DOCK1: variants seen among roughly 807,000 people sequenced by gnomAD.
DOCK1 encodes dedicator of cytokinesis protein 1.
DOCK1 carries 138 observed loss-of-function variants against 262.7 expected under a neutral mutation model. That is an observed-to-expected ratio of 0.53 (90% CI 0.46 to 0.61). The LOEUF (loss-of-function observed/expected upper bound fraction) is 0.61, where lower values mean the gene tolerates loss of function less well. DOCK1 is among the 20% of genes least tolerant of loss of function. The pLI is 0.00. For missense variants in DOCK1, 1,908 were observed against 2,370.7 expected (o/e 0.80, Z 4.05); for synonymous variants, 866 against 867.4 (o/e 1.00, Z 0.03).
At chr10:127,401,753 G>A (rs567855857) in intron 38 of DOCK1, among the ~76,000 whole-genome samples, 94 of 152,242 alleles carry the variant, frequency 6.2e-4, no homozygotes, top group Non-Finnish European at 1.1e-3. Context: ...ATCATCTGAC[G>A]GTCACCTGAC....
At chr10:126,990,652 A>G in intron 6 of DOCK1, 49 bp downstream of exon 6, 1 of 1,595,538 alleles carries the variant, frequency 6.3e-7, no homozygotes. Context: ...CCAATGTAAT[A>G]ACATCACTAT....
intron 38 of DOCK1, among the ~76,000 whole-genome samples, chr10:127,397,487 C>T (rs111812931): frequency 2.7e-5 from 4 of 148,496 alleles, no homozygotes; most frequent in Admixed American, 2.0e-4. Flanking sequence ...ATGAGTTACA[C>T]GGGCAGCAAC....
chr10:127,211,215 A>T (rs1304276048), intron 27 of DOCK1, among the ~76,000 whole-genome samples: 2 of 152,156 alleles, frequency 1.3e-5, no homozygotes, highest in African/African-American at 4.8e-5. Context: ...CAGCTAAGGA[A>T]AGCCAAGTGC....
chr10:126,987,860 T>G (rs917363781), intron 5 of DOCK1, among the ~76,000 whole-genome samples: 1 of 152,294 alleles, frequency 6.6e-6, no homozygotes, highest in Non-Finnish European at 1.5e-5. Flanking sequence ...CAGAAGGGAC[T>G]GTAGGATGTG....
At chr10:127,196,978 G>A (rs1041868960) in intron 27 of DOCK1, among the ~76,000 whole-genome samples, 1 of 152,078 alleles carries the variant, frequency 6.6e-6, no homozygotes, top group South Asian at 2.1e-4. Context: ...AGCCTGGCCC[G>A]GCGGGGCTTT....
chr10:127,125,888 T>C (rs545964618), intron 26 of DOCK1, among the ~76,000 whole-genome samples: 2 of 152,272 alleles, frequency 1.3e-5, no homozygotes, highest in South Asian at 2.1e-4. Context: ...CAAAAAGGCT[T>C]TGATGCTTAA....
rs772155501 is a variant in DOCK1 at position 127,384,801 on chromosome 10, T to C, written c.3819T>C (p.Asp1273=). Residue 1273 remains aspartate (D), a synonymous_variant, in exon 38 of 52, where the codon GAT becomes GAC. Coordinates refer to ENST00000623213, the MANE Select transcript of DOCK1 (RefSeq NM_001290223.2). ...TGCTTCTCCCTTAGTGGTCGGAGGATGTGTGTGTGGCCCACCTCACCCAGC... is the reference window on the plus strand; with the variant it reads ...TGCTTCTCCCTTAGTGGTCGGAGGACGTGTGTGTGGCCCACCTCACCCAGC... ...LHAKLLKWSE[D]VCVAHLTQRD... The C allele has an allele frequency of 6.3e-7, 1 of 1,586,306 alleles. No homozygotes were observed. The highest frequency in any genetic ancestry group is 1.2e-5 in the South Asian group (1 of 86,072).
intron 28 of DOCK1, among the ~76,000 whole-genome samples, chr10:127,252,708 G>A (rs1009621176): frequency 1.4e-4 from 21 of 150,518 alleles, no homozygotes; most frequent in Non-Finnish European, 3.0e-4. Context: ...GATATGTGGT[G>A]TTATTTCTGA....
intron 40 of DOCK1, 148 bp from the exon 41 acceptor site, chr10:127,408,889 C>T (rs1335918511): frequency 2.0e-5 from 22 of 1,085,010 alleles, no homozygotes; most frequent in Non-Finnish European, 2.3e-5. Flanking sequence ...AACGCAAGTA[C>T]AAAAAAAAAT....
In DOCK1 at chr10:127,145,594, A is replaced by C. The variant is rs12269246; in HGVS notation, c.2847+17830A>C. ...CGTGGCCAACCCAACCCTGAGTGGG[A>C]TCCCATGACCCAGGGCCATCACCTT... On this transcript the variant is annotated intron_variant, in intron 27 of 51. Transcript: ENST00000623213. Among the ~76,000 whole-genome samples, 1,004 of 152,230 alleles carry C rather than the reference A, an allele frequency of 6.6e-3. 4 individuals carry two copies. Among genetic ancestry groups the C allele is most frequent in the Admixed American group, 0.012 (177 of 15,288 alleles).
Position 126,942,314 on chromosome 10 carries a change from C to T in DOCK1, c.47-28388C>T, listed in dbSNP as rs1023474306. ...CTGGGATTATAGGTGTGAGCCACCG[C>T]GCCCAGCCGATATTTGCTCATTTTC... On this transcript the variant is annotated intron_variant, in intron 1 of 51. Coordinates refer to ENST00000623213, the MANE Select transcript of DOCK1 (RefSeq NM_001290223.2). Among the ~76,000 whole-genome samples, 705 of 152,240 alleles carry T rather than the reference C, an allele frequency of 4.6e-3. 4 individuals carry two copies. The highest frequency in any genetic ancestry group is 8.1e-3 in the Non-Finnish European group (550 of 68,018).
chr10:127,362,914 CACACAT>C, intron 33 of DOCK1, among the ~76,000 whole-genome samples: 1 of 143,444 alleles, frequency 7.0e-6, no homozygotes, highest in Non-Finnish European at 1.5e-5. Flanking sequence ...CATCTCCACA[CACACAT>C]ATACACATGC....
chr10:127,140,604 G>GCACACCAAGTCTCTCGGTTGAGTTTGA (rs1021786220), intron 27 of DOCK1, among the ~76,000 whole-genome samples: 1 of 68,134 alleles, frequency 1.5e-5, no homozygotes, highest in Non-Finnish European at 4.2e-5. Context: ...TCTTGGGGAA[G>GCACACCAAGTCTCTCGGTTGAGTTTGA]CACACCAAGT....
At chr10:126,974,857 T>C (rs2038397175) in intron 2 of DOCK1, among the ~76,000 whole-genome samples, 2 of 151,978 alleles carry the variant, frequency 1.3e-5, no homozygotes, top group Non-Finnish European at 2.9e-5. Context: ...GTTGAAGAAA[T>C]AGTGCATGCC....
intron 1 of DOCK1, among the ~76,000 whole-genome samples, chr10:126,948,584 G>T (rs1292561103): frequency 1.3e-5 from 2 of 151,898 alleles, no homozygotes; most frequent in Non-Finnish European, 2.9e-5. Flanking sequence ...CCCTGAAACA[G>T]GGCCCTCAAA....
At chr10:127,124,991 C>A (rs947478614) in intron 25 of DOCK1, among the ~76,000 whole-genome samples, 1 of 152,058 alleles carries the variant, frequency 6.6e-6, no homozygotes, top group Non-Finnish European at 1.5e-5. Flanking sequence ...GTGGCAGGCA[C>A]CTGTAGTCCC....
chr10:127,398,749 C>T (rs573411434), intron 38 of DOCK1, among the ~76,000 whole-genome samples: 1 of 152,294 alleles, frequency 6.6e-6, no homozygotes, highest in Non-Finnish European at 1.5e-5. Flanking sequence ...AGTCGCCCAC[C>T]AGTATCCTGG....
At chr10:127,328,500 G>T (rs933960716) in intron 29 of DOCK1, among the ~76,000 whole-genome samples, 8 of 152,216 alleles carry the variant, frequency 5.3e-5, no homozygotes, top group Non-Finnish European at 1.2e-4. Context: ...TAGACCAGGG[G>T]CCATTGCCTG....
rs527577240 is a variant in DOCK1 at position 127,237,708 on chromosome 10, T to C, written c.2848-10300T>C. On this transcript the variant is annotated intron_variant, in intron 27 of 51. Coordinates refer to ENST00000623213, the MANE Select transcript of DOCK1 (RefSeq NM_001290223.2). ...AAAATACCTAAATCATTGGTTGTAG[T>C]TCTATTATTGTATTCAGTAATAGTT... Among the ~76,000 whole-genome samples, 223 of 152,334 alleles carry C rather than the reference T, an allele frequency of 1.5e-3. 2 individuals are homozygous for C. In the South Asian group the frequency reaches 0.02, roughly 13 times the overall value.
Sources: gnomAD v4.1 joint callset for allele counts (sites outside exome capture counted in the v4.1 genomes callset) on GRCh38, gnomAD v4.1.1 for gene constraint, MANE v1.5 for transcripts, NCBI Gene and HGNC (gene_info 2026-07-23, HGNC 2026-07-21) for gene names.